The following ACVR2B variants were observed in gnomAD, a reference collection of about 807,000 sequenced individuals.
The protein encoded by ACVR2B is activin A receptor type 2B, also known as activin receptor type-2B.
A neutral mutation model predicts 65.1 loss-of-function variants in ACVR2B; 18 were observed. The ratio of observed to expected loss-of-function variants is 0.28; its 90% CI spans 0.19 to 0.41. The LOEUF is 0.41. Among genes scored for constraint, ACVR2B ranks in the 10% least tolerant of loss-of-function variants. The pLI is 1.00. For missense variants in ACVR2B, 482 were observed against 682.7 expected, an observed-to-expected ratio of 0.71 and a Z score of 3.28; for synonymous variants, 298 against 277.7, an observed-to-expected ratio of 1.07 and a Z score of -0.73.
At chr3:38,482,704 T>C in intron 10 of ACVR2B, 144 bp downstream of exon 10, 2 of 1,201,766 alleles carry the variant, frequency 1.7e-6, no homozygotes, top group Non-Finnish European at 2.3e-6. Flanking sequence ...GTTCCAGGGG[T>C]TATGGGGAGT....
At position 38,486,501 on chromosome 3, in the gene ACVR2B, T is replaced by A. The variant is rs149804558; in HGVS notation, c.*3169T>A. 1.1e-4 allele frequency: 16 copies of A among 152,354 alleles called. No homozygotes were observed. The East Asian group carries it at 3.1e-3, about 29-fold the overall frequency. 9.4% of individuals were successfully genotyped at this position (152,354 alleles called of 1,614,324 possible). A position where few individuals can be genotyped will look rare whatever the true frequency, so the allele number is the denominator to read the frequency against. ...TTTGAATTTACTGGGTCATAGAGCC[T>A]CTGCCTGTGCTCTTTTCCATAATGA... On this transcript the variant is annotated 3_prime_UTR_variant, in exon 11 of 11. Coordinates refer to ENST00000352511, the MANE Select transcript of ACVR2B (RefSeq NM_001106.4).
intron 6 of ACVR2B, 63 bp downstream of exon 6, chr3:38,479,334 A>G (rs1709976023): frequency 1.2e-6 from 2 of 1,611,374 alleles, no homozygotes; most frequent in Non-Finnish European, 1.7e-6. Context: ...GTGGCTCTCC[A>G]TAATATGATG....
intron 1 of ACVR2B, among the ~76,000 whole-genome samples, chr3:38,466,795 G>T (rs867588193): frequency 6.6e-6 from 1 of 152,058 alleles, no homozygotes. Context: ...GAGCCACCAC[G>T]CCCGGCCTAC....
chr3:38,456,004 G>T (rs1163850471), intron 1 of ACVR2B, among the ~76,000 whole-genome samples: 1 of 152,146 alleles, frequency 6.6e-6, no homozygotes, highest in South Asian at 2.1e-4. Flanking sequence ...TTGAGACCTG[G>T]GATCTGGGGA....
At chr3:38,472,533 AC>A (rs1248274843) in intron 1 of ACVR2B, among the ~76,000 whole-genome samples, 6 of 150,804 alleles carry the variant, frequency 4.0e-5, no homozygotes, top group South Asian at 4.2e-4. Context: ...GGTGAGTGGC[AC>A]TCCTTCTCAC....
chr3:38,460,575 T>C (rs1709628298), intron 1 of ACVR2B, among the ~76,000 whole-genome samples: 1 of 152,228 alleles, frequency 6.6e-6, no homozygotes, highest in Admixed American at 6.5e-5. Context: ...GCTGTACACA[T>C]GCATGTGCCT....
chr3:38,479,288 A>G lies in ACVR2B; in HGVS notation c.810+17A>G. The G allele has an allele frequency of 1.2e-6, 2 of 1,614,146 alleles. No individual in the cohort carries two copies. Among genetic ancestry groups the G allele is most frequent in the Non-Finnish European group, 1.7e-6 (2 of 1,180,008 alleles). On this transcript the variant is annotated intron_variant, in intron 6 of 10. Transcript: ENST00000352511. Reference sequence around the variant, plus strand: ...CATGACAAGGTGAGCCACACCCATCAGAATGGACTCTGAGAGGAGATGGAA... The same window carrying G: ...CATGACAAGGTGAGCCACACCCATCGGAATGGACTCTGAGAGGAGATGGAA...
At chr3:38,482,407 G>A in intron 9 of ACVR2B, 23 bp from the exon 10 acceptor site, 1 of 1,611,474 alleles carries the variant, frequency 6.2e-7, no homozygotes, top group African/African-American at 1.4e-5. Context: ...GAGTGATCCT[G>A]CCAGGCTCTC....
At chr3:38,455,691 C>A (rs1000489390) in intron 1 of ACVR2B, among the ~76,000 whole-genome samples, 1 of 152,188 alleles carries the variant, frequency 6.6e-6, no homozygotes, top group Non-Finnish European at 1.5e-5. Context: ...ACCTGAGTAC[C>A]GTATGGAAGA....
chr3:38,460,987 C>T (rs1289101012), intron 1 of ACVR2B, among the ~76,000 whole-genome samples: 2 of 152,200 alleles, frequency 1.3e-5, no homozygotes, highest in Non-Finnish European at 2.9e-5. Context: ...GGGATGAGAC[C>T]AGCTGTTATC....
chr3:38,485,732 A>C lies in ACVR2B; in HGVS notation c.*2400A>C, dbSNP rs1575591816. On this transcript the variant is annotated 3_prime_UTR_variant, in exon 11 of 11. Transcript: ENST00000352511. ...TGTGCTGTGGTATTTTTTTTCCCTT[A>C]GAATAATTTTTAATGGCAAAACAGG... 9.9e-6 allele frequency: 1 copy of C among 100,514 alleles called. No individual in the cohort carries two copies. Among genetic ancestry groups the C allele is most frequent in the African/African-American group, 4.2e-5 (1 of 23,890 alleles). The allele number at this position is 100,514 out of a possible 1,614,324, so 6.2% of individuals were successfully genotyped here. A position where few individuals can be genotyped will look rare whatever the true frequency, so the allele number is the denominator to read the frequency against.
chr3:38,459,656 G>T (rs980692888), intron 1 of ACVR2B: 9 of 985,344 alleles, frequency 9.1e-6, no homozygotes, highest in Non-Finnish European at 1.1e-5. Flanking sequence ...CCAGGCCGGG[G>T]ACACCAGGGC....
Position 38,492,346 on chromosome 3 carries a change from G to A in ACVR2B, c.*9014G>A, listed in dbSNP as rs982750654. The A allele has an allele frequency of 1.3e-5, 2 of 152,590 alleles. No homozygotes were observed. Among genetic ancestry groups the A allele is most frequent in the African/African-American group, 4.8e-5 (2 of 41,428 alleles). The allele number at this position is 152,590 out of a possible 1,614,324, so 9.5% of individuals were successfully genotyped here. A position where few individuals can be genotyped will look rare whatever the true frequency, so the allele number is the denominator to read the frequency against. The stretch of plus-strand genomic sequence containing the variant: ...GTTACCTAACTTGTATATAAAAATT[G>A]TAATTAAAAGTTTGGGTTCACCTGT... On this transcript the variant is annotated 3_prime_UTR_variant, in exon 11 of 11. Coordinates refer to ENST00000352511, the MANE Select transcript of ACVR2B (RefSeq NM_001106.4).
At position 38,478,976 on chromosome 3, in the gene ACVR2B, C is replaced by A. The variant is rs1199567365; in HGVS notation, c.667-152C>A. ...TACAGGTCTTCTCCTGGTCCCCTTA[C>A]AAATGCTGAAGCTGGGAGGCTGGGG... On this transcript the variant is annotated intron_variant, in intron 5 of 10. Transcript: ENST00000352511. 3.9e-6 allele frequency: 4 copies of A among 1,021,556 alleles called. No individual in the cohort carries two copies. In the African/African-American group the frequency reaches 6.4e-5, roughly 16 times the overall value. 63.3% of individuals were successfully genotyped at this position (1,021,556 alleles called of 1,614,324 possible).
In ACVR2B at chr3:38,491,136, G is replaced by A. The variant is rs2059807098; in HGVS notation, c.*7804G>A. On this transcript the variant is annotated 3_prime_UTR_variant, in exon 11 of 11. Transcript: ENST00000352511. ...ATGTTGCTGTGAAATTAGGCCTTGT[G>A]GGATATGGCTGTTTGTCATTTTGAT... 1 of 152,240 alleles carries A rather than the reference G, an allele frequency of 6.6e-6. No homozygotes were observed. Among genetic ancestry groups the A allele is most frequent in the East Asian group, 1.9e-4 (1 of 5,198 alleles). The allele number at this position is 152,240 out of a possible 1,614,324, so 9.4% of individuals were successfully genotyped here. A position where few individuals can be genotyped will look rare whatever the true frequency, so the allele number is the denominator to read the frequency against.
At position 38,481,920 on chromosome 3, in the gene ACVR2B, C is replaced by A. The variant is rs1710023427; in HGVS notation, c.1075-278C>A. On this transcript the variant is annotated intron_variant, in intron 8 of 10. Coordinates refer to ENST00000352511, the MANE Select transcript of ACVR2B (RefSeq NM_001106.4). The surrounding 1 kb of genome is among the most constrained non-coding windows in gnomAD (Gnocchi z 4.7). Reference sequence around the variant, plus strand: ...GTCTTAATCTCAGTCAGATACATATCATCTGTAGTTCCTTGTATTAATTTG... The same window carrying A: ...GTCTTAATCTCAGTCAGATACATATAATCTGTAGTTCCTTGTATTAATTTG... Among the ~76,000 whole-genome samples, 1 of 152,150 alleles carries A rather than the reference C, an allele frequency of 6.6e-6. No homozygotes were observed. Among genetic ancestry groups the A allele is most frequent in the African/African-American group, 2.4e-5 (1 of 41,432 alleles).
chr3:38,459,490 C>T (rs760547033), intron 1 of ACVR2B: 60 of 626,430 alleles, frequency 9.6e-5, no homozygotes, highest in Non-Finnish European at 1.2e-4. Context: ...GCCCAGCAGC[C>T]CCTCTCTGCT....
At chr3:38,459,684 C>A in intron 1 of ACVR2B, 1 of 985,200 alleles carries the variant, frequency 1.0e-6, no homozygotes, top group Non-Finnish European at 1.2e-6. Flanking sequence ...CAGCCTCTCC[C>A]CAAAGGTATG....
In ACVR2B at chr3:38,477,124, G is replaced by A. The variant is rs1709925073; in HGVS notation, c.53-163G>A. 1.4e-5 allele frequency: 10 copies of A among 697,322 alleles called. No individual in the cohort carries two copies. Among genetic ancestry groups the A allele is most frequent in the African/African-American group, 3.6e-5 (2 of 56,292 alleles). 43.2% of individuals were successfully genotyped at this position (697,322 alleles called of 1,614,324 possible). On this transcript the variant is annotated intron_variant, in intron 1 of 10. Coordinates refer to ENST00000352511, the MANE Select transcript of ACVR2B (RefSeq NM_001106.4). The surrounding 1 kb of genome is among the most constrained non-coding windows in gnomAD (Gnocchi z 6.7). ...ACACGTAAATTAAGAGGTGTGGGAC[G>A]GATGGGTGGCCTACGTCCAGGGGTG...
Sources: gnomAD v4.1 joint callset for allele counts (sites outside exome capture counted in the v4.1 genomes callset) on GRCh38, gnomAD v4.1.1 for gene constraint, Gnocchi (gnomAD v3.1) non-coding constraint, MANE v1.5 for transcripts, NCBI Gene and HGNC (gene_info 2026-07-23, HGNC 2026-07-21) for gene names.